ST3GAL4: variants seen among roughly 807,000 people sequenced by gnomAD.
The protein encoded by ST3GAL4 is CMP-N-acetylneuraminate-beta-galactosamide-alpha-2,3-sialyltransferase 4.
In ST3GAL4, 24 loss-of-function variants were observed where a neutral mutation model predicts 42.6. The ratio of observed to expected loss-of-function variants is 0.56; its 90% CI spans 0.41 to 0.79. The LOEUF (loss-of-function observed/expected upper bound fraction) is 0.79. Among genes scored for constraint, ST3GAL4 ranks in the 30% least tolerant of loss-of-function variants. The pLI is 0.00. For missense variants in ST3GAL4, 311 were observed against 430.8 expected (o/e 0.72, Z 2.46); for synonymous variants, 135 against 163.2 (o/e 0.83, Z 1.32).
chr11:126,393,501 C>T lies in ST3GAL4; in HGVS notation c.-60-12595C>T, dbSNP rs1343974286. Among the ~76,000 whole-genome samples, 1 of 152,134 alleles carries T rather than the reference C, an allele frequency of 6.6e-6. No homozygotes were observed. Among genetic ancestry groups the T allele is most frequent in the African/African-American group, 2.4e-5 (1 of 41,442 alleles). ...GGGATGGGGACGGGGAGAGTGAGGT[C>T]TTTTTGACTTTGATGTGCTTTGACT... On this transcript the variant is annotated intron_variant, in intron 1 of 10. Transcript: ENST00000444328. The surrounding 1 kb of genome is among the most constrained non-coding windows in gnomAD (Gnocchi z 5.9).
rs553794453 is a variant in ST3GAL4, at chr11:126,364,590, G to A, written c.-61+8748G>A. ...GGATGTGGGAGGCTGTTCCTTGGCCGCAGCCTGTAACTGAATAAATGCCAT... is the reference window on the plus strand; with the variant it reads ...GGATGTGGGAGGCTGTTCCTTGGCCACAGCCTGTAACTGAATAAATGCCAT... On this transcript the variant is annotated intron_variant, in intron 1 of 10. Coordinates refer to ENST00000444328, the MANE Select transcript of ST3GAL4 (RefSeq NM_001254757.2). Among the ~76,000 whole-genome samples, 3 of 143,256 alleles carry A rather than the reference G, an allele frequency of 2.1e-5. No homozygotes were observed. The South Asian group carries it at 6.8e-4, about 32-fold the overall frequency. The allele number at this position is 143,256 out of a possible 152,430, so 94.0% of individuals were successfully genotyped here. A position where few individuals can be genotyped will look rare whatever the true frequency, so the allele number is the denominator to read the frequency against.
At chr11:126,365,358 G>A (rs1252241820) in intron 1 of ST3GAL4, among the ~76,000 whole-genome samples, 8 of 151,980 alleles carry the variant, frequency 5.3e-5, no homozygotes, top group Non-Finnish European at 8.8e-5. Context: ...GGAGGAGGAG[G>A]CGCTGGCCAG....
rs1952341466 is a variant in ST3GAL4 at position 126,363,967 on chromosome 11, T to C, written c.-61+8125T>C. 1.3e-5 allele frequency among the ~76,000 whole-genome samples: 2 copies of C among 152,240 alleles called. No homozygotes were observed. Among genetic ancestry groups the C allele is most frequent in the Admixed American group, 6.5e-5 (1 of 15,288 alleles). ...CTTTGTACTGTGGCTTTGTTCTGCCTTAGGGACCAGCTGGTCCCCTGCTGT... is the reference window on the plus strand; with the variant it reads ...CTTTGTACTGTGGCTTTGTTCTGCCCTAGGGACCAGCTGGTCCCCTGCTGT... On this transcript the variant is annotated intron_variant, in intron 1 of 10. Coordinates refer to ENST00000444328, the MANE Select transcript of ST3GAL4 (RefSeq NM_001254757.2). This position sits in a 1 kb window ranked among gnomAD's most constrained non-coding sequence, Gnocchi z 4.6.
At chr11:126,407,961 C>T (rs1164032497) in intron 6 of ST3GAL4, 138 bp from the exon 7 acceptor site, 9 of 976,742 alleles carry the variant, frequency 9.2e-6, no homozygotes, top group South Asian at 4.8e-5. Context: ...AGCAGGACCA[C>T]GGGGTGATGC....
At chr11:126,408,989 G>A (rs1751554267) in intron 8 of ST3GAL4, among the ~76,000 whole-genome samples, 2 of 152,172 alleles carry the variant, frequency 1.3e-5, no homozygotes, top group African/African-American at 4.8e-5. Flanking sequence ...CCTTCTACCT[G>A]TGTGGATGTT....
intron 1 of ST3GAL4, among the ~76,000 whole-genome samples, chr11:126,358,260 C>T (rs1952137753): frequency 6.6e-6 from 1 of 152,246 alleles, no homozygotes; most frequent in African/African-American, 2.4e-5. Context: ...GGTTTAGCTC[C>T]CGCTCCGTGT....
rs373731655 is a variant in ST3GAL4 at position 126,393,124 on chromosome 11, A to T, written c.-60-12972A>T. On this transcript the variant is annotated intron_variant, in intron 1 of 10. Transcript: ENST00000444328. This position sits in a 1 kb window ranked among gnomAD's most constrained non-coding sequence, Gnocchi z 5.9. ...CCCGGCTAATTTTATTTTTATTTTT[A>T]TAGAGACGGGGCAGAGTCTGCAGTC... 6.6e-6 allele frequency: 1 copy of T among 151,920 alleles called. No individual in the cohort carries two copies. Among genetic ancestry groups the T allele is most frequent in the African/African-American group, 2.4e-5 (1 of 41,300 alleles). The allele number at this position is 151,920 out of a possible 1,614,324, so 9.4% of individuals were successfully genotyped here. A position where few individuals can be genotyped will look rare whatever the true frequency, so the allele number is the denominator to read the frequency against.
At position 126,400,479 on chromosome 11, in the gene ST3GAL4, G is replaced by A. The variant is rs11220472; in HGVS notation, c.-60-5617G>A. On this transcript the variant is annotated intron_variant, in intron 1 of 10. Transcript: ENST00000444328. The surrounding 1 kb of genome is among the most constrained non-coding windows in gnomAD (Gnocchi z 4.6). ...CAGGCACCTTAATAAAGGTGGAAAA[G>A]GGATGTGGCAGCTACAGTGGGAGGG... Among the ~76,000 whole-genome samples, 5,941 of 152,268 alleles carry A rather than the reference G, an allele frequency of 0.039. 207 individuals are homozygous for A. Among genetic ancestry groups the A allele is most frequent in the East Asian group, 0.16 (849 of 5,178 alleles).
chr11:126,370,458 G>T (rs1565396721), intron 1 of ST3GAL4, among the ~76,000 whole-genome samples: 1 of 152,080 alleles, frequency 6.6e-6, no homozygotes, highest in Non-Finnish European at 1.5e-5. Context: ...TTCCTTCATT[G>T]TTTGGGGAGT....
chr11:126,402,540 G>A (rs919635353), intron 1 of ST3GAL4, among the ~76,000 whole-genome samples: 4 of 151,450 alleles, frequency 2.6e-5, no homozygotes, highest in Non-Finnish European at 4.4e-5. Flanking sequence ...CAAGTAAACC[G>A]CGAGCTTCTG....
Position 126,367,333 on chromosome 11 carries a change from G to A in ST3GAL4, c.-61+11491G>A, listed in dbSNP as rs181168572. 3.3e-3 allele frequency among the ~76,000 whole-genome samples: 505 copies of A among 152,340 alleles called. 2 individuals are homozygous for A. The highest frequency in any genetic ancestry group is 0.012 in the African/African-American group (484 of 41,578). On this transcript the variant is annotated intron_variant, in intron 1 of 10. Coordinates refer to ENST00000444328, the MANE Select transcript of ST3GAL4 (RefSeq NM_001254757.2). ...ATCTGAGTCGAGGGCAGGGCAGAGT[G>A]GGAGTGGCAGTGCCTCTGCCTGTCT... is the stretch of plus-strand genomic sequence containing the variant.
chr11:126,356,769 G>A (rs755880902), intron 1 of ST3GAL4, among the ~76,000 whole-genome samples: 8 of 152,228 alleles, frequency 5.3e-5, no homozygotes, highest in Non-Finnish European at 1.2e-4. Context: ...TTCCACCGCC[G>A]GAGGCGGGTA....
Position 126,394,606 on chromosome 11 carries a change from A to G in ST3GAL4, c.-60-11490A>G, listed in dbSNP as rs533193346. Among the ~76,000 whole-genome samples, 107 of 151,818 alleles carry G rather than the reference A, an allele frequency of 7.0e-4. 3 individuals are homozygous for G. The South Asian group carries it at 0.018, about 25-fold the overall frequency. On this transcript the variant is annotated intron_variant, in intron 1 of 10. Transcript: ENST00000444328. ...TGCCCGGCTAATTTTTGTATTTTTTATAGAGATGGGGTTTCACCATGATGC... is the reference window on the plus strand; with the variant it reads ...TGCCCGGCTAATTTTTGTATTTTTTGTAGAGATGGGGTTTCACCATGATGC...
At chr11:126,394,170 A>G (rs1378166180) in intron 1 of ST3GAL4, among the ~76,000 whole-genome samples, 2 of 152,216 alleles carry the variant, frequency 1.3e-5, no homozygotes, top group African/African-American at 4.8e-5. Context: ...GTGGGAAGCC[A>G]GATTCCAGCC....
intron 1 of ST3GAL4, among the ~76,000 whole-genome samples, chr11:126,374,786 G>A (rs1952773301): frequency 6.6e-6 from 1 of 152,134 alleles, no homozygotes; most frequent in South Asian, 2.1e-4. Context: ...TGACCGGTCT[G>A]TTCTTGGCAC....
At position 126,386,088 on chromosome 11, in the gene ST3GAL4, T is replaced by C. The variant is rs1332335258; in HGVS notation, c.-60-20008T>C. 6.6e-6 allele frequency among the ~76,000 whole-genome samples: 1 copy of C among 152,174 alleles called. No individual in the cohort carries two copies. Among genetic ancestry groups the C allele is most frequent in the Non-Finnish European group, 1.5e-5 (1 of 68,040 alleles). ...ACTTCTCTCAGTCTGGAACCTTCTC[T>C]TGCCTACCCCATCTTCCCATGGCTG... On this transcript the variant is annotated intron_variant, in intron 1 of 10. Transcript: ENST00000444328. The surrounding 1 kb of genome is among the most constrained non-coding windows in gnomAD (Gnocchi z 4.7).
In ST3GAL4 at chr11:126,378,859, T is replaced by G. The variant is rs1266531811; in HGVS notation, c.-61+23017T>G. Among the ~76,000 whole-genome samples the G allele has an allele frequency of 6.6e-6, 1 of 152,208 alleles. No individual in the cohort carries two copies. The highest frequency in any genetic ancestry group is 1.9e-4 in the East Asian group (1 of 5,200). On this transcript the variant is annotated intron_variant, in intron 1 of 10. Coordinates refer to ENST00000444328, the MANE Select transcript of ST3GAL4 (RefSeq NM_001254757.2). This position sits in a 1 kb window ranked among gnomAD's most constrained non-coding sequence, Gnocchi z 5.3. ...AGGCTTTCATGGTCATGTTCAGATT[T>G]TATATATGTGTCTCATGTAGGAATC...
intron 1 of ST3GAL4, among the ~76,000 whole-genome samples, chr11:126,394,260 C>T (rs12293992): frequency 0.17 from 26,232 of 152,118 alleles, 2,849 homozygotes; most frequent in East Asian, 0.44. Context: ...CCCGGGAGCC[C>T]CTGACCAGGA....
At position 126,398,796 on chromosome 11, in the gene ST3GAL4, C is replaced by T. The variant is rs975519179; in HGVS notation, c.-60-7300C>T. On this transcript the variant is annotated intron_variant, in intron 1 of 10. Coordinates refer to ENST00000444328, the MANE Select transcript of ST3GAL4 (RefSeq NM_001254757.2). The surrounding 1 kb of genome is among the most constrained non-coding windows in gnomAD (Gnocchi z 4.7). Reference sequence around the variant, plus strand: ...GACCATGTGGGATGCCACCAAGACTCACCACTTGCACCTTCTAGAATGGTA... The same window carrying T: ...GACCATGTGGGATGCCACCAAGACTTACCACTTGCACCTTCTAGAATGGTA... Among the ~76,000 whole-genome samples, 13 of 152,200 alleles carry T rather than the reference C, an allele frequency of 8.5e-5. No homozygotes were observed. The highest frequency in any genetic ancestry group is 3.1e-4 in the African/African-American group (13 of 41,446).
Sources: gnomAD v4.1 joint callset for allele counts (sites outside exome capture counted in the v4.1 genomes callset) on GRCh38, gnomAD v4.1.1 for gene constraint, Gnocchi (gnomAD v3.1) non-coding constraint, MANE v1.5 for transcripts, NCBI Gene and HGNC (gene_info 2026-07-23, HGNC 2026-07-21) for gene names.